Variants in CADM2 observed in about 807,000 individuals in gnomAD.
CADM2 encodes the protein immunoglobulin superfamily member 4D.
CADM2 carries 12 observed loss-of-function variants against 49.8 expected under a neutral mutation model. That is an observed-to-expected ratio of 0.24 (90% CI 0.15 to 0.39). CADM2 has a LOEUF of 0.39. CADM2 is among the 10% of genes least tolerant of loss of function. CADM2 has a pLI of 1.00. For synonymous variants in CADM2, 214 were observed against 175.4 expected, an observed-to-expected ratio of 1.22 and a Z score of -1.74; for missense variants, 378 against 492.3, an observed-to-expected ratio of 0.77 and a Z score of 2.20.
At chr3:85,532,163 C>T (rs1003770450) in intron 1 of CADM2, among the ~76,000 whole-genome samples, 8 of 150,768 alleles carry the variant, frequency 5.3e-5, no homozygotes, top group Non-Finnish European at 1.2e-4. Context: ...GGCGACAGAG[C>T]GAGACTCCGT....
At chr3:85,491,506 G>A (rs761988177) in intron 1 of CADM2, among the ~76,000 whole-genome samples, 2 of 152,024 alleles carry the variant, frequency 1.3e-5, no homozygotes, top group Non-Finnish European at 2.9e-5. Flanking sequence ...TCATGTGAGC[G>A]TATATGACAT....
chr3:85,935,414 C>G (rs1359211664), intron 6 of CADM2, among the ~76,000 whole-genome samples: 2 of 151,966 alleles, frequency 1.3e-5, no homozygotes, highest in East Asian at 3.9e-4. Context: ...ATGCATTCAG[C>G]CCATAATAAT....
At chr3:85,388,753 A>G (rs1407973775) in intron 1 of CADM2, among the ~76,000 whole-genome samples, 1 of 152,046 alleles carries the variant, frequency 6.6e-6, no homozygotes, top group Non-Finnish European at 1.5e-5. Flanking sequence ...ATCAATTAAA[A>G]CAAAATTGAC....
rs1346358347 is a variant in CADM2 at position 85,117,059 on chromosome 3, A to G, written c.61+157391A>G. On this transcript the variant is annotated intron_variant, in intron 1 of 9. Coordinates refer to ENST00000383699, the MANE Select transcript of CADM2 (RefSeq NM_001167675.2). Reference sequence around the variant, plus strand: ...AAAATACAGAAACCCCATCTCTACTAAAAATACAGAAATTAGCCAGGTATG... The same window carrying G: ...AAAATACAGAAACCCCATCTCTACTGAAAATACAGAAATTAGCCAGGTATG... Among the ~76,000 whole-genome samples, 4 of 152,000 alleles carry G rather than the reference A, an allele frequency of 2.6e-5. No individual in the cohort carries two copies. In the South Asian group the frequency reaches 8.3e-4, roughly 31 times the overall value.
intron 1 of CADM2, among the ~76,000 whole-genome samples, chr3:85,043,845 A>G (rs2035543960): frequency 1.3e-5 from 2 of 152,164 alleles, no homozygotes; most frequent in Admixed American, 1.3e-4. Flanking sequence ...ATCATATAAA[A>G]TTCAATATCC....
intron 8 of CADM2, among the ~76,000 whole-genome samples, chr3:85,998,344 T>C (rs1729699413): frequency 6.6e-6 from 1 of 152,182 alleles, no homozygotes; most frequent in African/African-American, 2.4e-5. Flanking sequence ...TACAATTTTG[T>C]CCTCTCTGGA....
chr3:85,499,376 C>G (rs2040026604), intron 1 of CADM2, among the ~76,000 whole-genome samples: 2 of 152,010 alleles, frequency 1.3e-5, no homozygotes, highest in African/African-American at 4.8e-5. Context: ...TTAAGCTGCT[C>G]TAAAGTTCCC....
intron 2 of CADM2, among the ~76,000 whole-genome samples, chr3:85,790,933 T>A (rs1187758612): frequency 6.6e-6 from 1 of 152,110 alleles, no homozygotes; most frequent in African/African-American, 2.4e-5. Flanking sequence ...GCACAGAAGG[T>A]GGATACCAGG....
At chr3:85,230,174 G>A (rs764954865) in intron 1 of CADM2, among the ~76,000 whole-genome samples, 27 of 151,968 alleles carry the variant, frequency 1.8e-4, no homozygotes, top group Non-Finnish European at 3.7e-4. Flanking sequence ...ACAGCAAGGA[G>A]TATATTATGA....
intron 1 of CADM2, among the ~76,000 whole-genome samples, chr3:85,401,000 A>C (rs776744010): frequency 4.9e-4 from 74 of 152,306 alleles, no homozygotes; most frequent in Middle Eastern, 3.4e-3. Flanking sequence ...AACCCACAAC[A>C]GTGGCTCAAT....
At chr3:85,870,704 G>A (rs2075895151) in intron 3 of CADM2, among the ~76,000 whole-genome samples, 5 of 152,096 alleles carry the variant, frequency 3.3e-5, no homozygotes, top group African/African-American at 1.2e-4. Flanking sequence ...GTGCTACAAT[G>A]AACAAAATGT....
intron 1 of CADM2, among the ~76,000 whole-genome samples, chr3:85,339,274 T>C (rs1460455113): frequency 6.6e-6 from 1 of 151,484 alleles, no homozygotes; most frequent in Non-Finnish European, 1.5e-5. Context: ...TCAGTGTGTT[T>C]AAATAATAAA....
intron 1 of CADM2, among the ~76,000 whole-genome samples, chr3:85,485,874 T>A (rs958577345): frequency 2.0e-5 from 3 of 152,078 alleles, no homozygotes; most frequent in African/African-American, 7.2e-5. Context: ...GAGTATGTGG[T>A]AATACAAAAC....
At chr3:86,035,424 G>C (rs1026066291) in intron 8 of CADM2, among the ~76,000 whole-genome samples, 1 of 151,810 alleles carries the variant, frequency 6.6e-6, no homozygotes, top group Non-Finnish European at 1.5e-5. Flanking sequence ...CTTGTATATT[G>C]GTTTGTGTTC....
At chr3:85,299,971 C>T (rs1390881008) in intron 1 of CADM2, among the ~76,000 whole-genome samples, 1 of 151,970 alleles carries the variant, frequency 6.6e-6, no homozygotes, top group Admixed American at 6.6e-5. Flanking sequence ...GACAAAAATT[C>T]TCAACACCAA....
intron 1 of CADM2, among the ~76,000 whole-genome samples, chr3:85,262,211 T>G (rs1165039205): frequency 2.0e-5 from 3 of 152,158 alleles, no homozygotes; most frequent in Non-Finnish European, 4.4e-5. Context: ...GCCTAATTTC[T>G]CCTGACTTAA....
chr3:85,095,242 C>T (rs1222396195), intron 1 of CADM2, among the ~76,000 whole-genome samples: 1 of 152,002 alleles, frequency 6.6e-6, no homozygotes, highest in African/African-American at 2.4e-5. Context: ...CAAAATTTTG[C>T]CCCCGCAGTC....
intron 6 of CADM2, among the ~76,000 whole-genome samples, chr3:85,919,345 AC>A (rs565435415): frequency 5.2e-4 from 79 of 152,076 alleles, no homozygotes; most frequent in African/African-American, 1.8e-3. Context: ...CTGCATGTAC[AC>A]CCAAAAAATT....
chr3:85,196,805 G>T (rs1423821068), intron 1 of CADM2, among the ~76,000 whole-genome samples: 1 of 151,970 alleles, frequency 6.6e-6, no homozygotes, highest in Non-Finnish European at 1.5e-5. Flanking sequence ...TGTATCACAA[G>T]TTTTTAGGAG....
Sources: allele counts gnomAD v4.1 joint callset (sites outside exome capture counted in the v4.1 genomes callset), GRCh38; gene constraint gnomAD v4.1.1; transcripts MANE v1.5; gene names NCBI Gene and HGNC (gene_info 2026-07-23, HGNC 2026-07-21).